Variants in BBX observed in about 807,000 individuals in gnomAD.
The protein encoded by BBX is BBX high mobility group box domain containing, also known as HMG box transcription factor BBX.
A neutral mutation model predicts 100.2 loss-of-function variants in BBX; 30 were observed. That is an observed-to-expected ratio of 0.30 (90% confidence interval 0.22 to 0.41). BBX has a LOEUF of 0.41. BBX is among the 10% of genes least tolerant of loss of function. The pLI is 1.00. For missense variants in BBX, 1,023 were observed against 1,129.8 expected (o/e 0.91, Z 1.35); for synonymous variants, 376 against 388.1 (o/e 0.97, Z 0.37).
At chr3:107,774,697 C>G in intron 11 of BBX, 22 bp from the exon 12 acceptor site, 1 of 1,611,218 alleles carries the variant, frequency 6.2e-7, no homozygotes, top group African/African-American at 1.3e-5. Context: ...CCAAACACAT[C>G]CTTTCTCTTG....
At chr3:107,698,057 G>C (rs890392279) in intron 3 of BBX, among the ~76,000 whole-genome samples, 2 of 151,714 alleles carry the variant, frequency 1.3e-5, no homozygotes, top group Non-Finnish European at 1.5e-5. Flanking sequence ...GCTTTGGCTC[G>C]TGCACGGTGC....
intron 17 of BBX, among the ~76,000 whole-genome samples, chr3:107,803,447 T>C (rs976731087): frequency 2.0e-5 from 3 of 152,072 alleles, no homozygotes; most frequent in Non-Finnish European, 2.9e-5. Flanking sequence ...ATCAACTCGG[T>C]TCATAGTTTA....
intron 2 of BBX, among the ~76,000 whole-genome samples, chr3:107,601,421 A>G (rs1447407114): frequency 6.6e-6 from 1 of 152,246 alleles, no homozygotes; most frequent in Non-Finnish European, 1.5e-5. Context: ...CCAAGTTGTG[A>G]ATGCAAAGGA....
In BBX at chr3:107,669,526, C is replaced by T. The variant is rs576409423; in HGVS notation, c.-10+23617C>T. ...AAGGAATTAAATTCTAGGAGTAGAC[C>T]GTAAAGGGCCACTAAAGGGTTTGAT... On this transcript the variant is annotated intron_variant, in intron 3 of 17. Transcript: ENST00000325805. 1.2e-4 allele frequency among the ~76,000 whole-genome samples: 18 copies of T among 151,900 alleles called. No individual in the cohort carries two copies. In the South Asian group the frequency reaches 2.1e-3, roughly 18 times the overall value.
chr3:107,695,306 CT>C (rs1443797013), intron 3 of BBX, among the ~76,000 whole-genome samples: 1 of 114,000 alleles, frequency 8.8e-6, no homozygotes, highest in African/African-American at 3.9e-5. Context: ...AATTTTGGAT[CT>C]TTCCTGCTTT....
intron 3 of BBX, among the ~76,000 whole-genome samples, chr3:107,679,971 A>C (rs1365046018): frequency 4.6e-5 from 7 of 152,190 alleles, no homozygotes; most frequent in African/African-American, 1.7e-4. Flanking sequence ...GTCTATCAGC[A>C]ATGAACAGCT....
chr3:107,686,998 G>T (rs2059886401), intron 3 of BBX, among the ~76,000 whole-genome samples: 1 of 152,100 alleles, frequency 6.6e-6, no homozygotes, highest in African/African-American at 2.4e-5. Context: ...TTGCTTTGAG[G>T]ACATTAGAAA....
At chr3:107,693,596 C>G (rs1254982539) in intron 3 of BBX, among the ~76,000 whole-genome samples, 7 of 151,776 alleles carry the variant, frequency 4.6e-5, no homozygotes, top group Non-Finnish European at 5.9e-5. Context: ...GTTTTGGTTA[C>G]TGTAGCCTTG....
intron 15 of BBX, among the ~76,000 whole-genome samples, chr3:107,796,307 C>T (rs1044037372): frequency 2.0e-5 from 3 of 152,168 alleles, no homozygotes; most frequent in Non-Finnish European, 2.9e-5. Context: ...GTTCTTCTTT[C>T]CGCAGTCAGT....
At chr3:107,666,852 G>A (rs1228348904) in intron 3 of BBX, among the ~76,000 whole-genome samples, 1 of 152,160 alleles carries the variant, frequency 6.6e-6, no homozygotes, top group Non-Finnish European at 1.5e-5. Flanking sequence ...TTACAGGGGC[G>A]AGCCACTGCA....
chr3:107,798,866 C>T (rs867815057), intron 16 of BBX, 146 bp downstream of exon 16: 25 of 902,944 alleles, frequency 2.8e-5, no homozygotes, highest in Non-Finnish European at 4.1e-5. Flanking sequence ...ACAAAAAAAA[C>T]CAGGCCAGGC....
At chr3:107,790,460 G>T (rs1393090618) in intron 14 of BBX, among the ~76,000 whole-genome samples, 2 of 152,092 alleles carry the variant, frequency 1.3e-5, no homozygotes, top group African/African-American at 4.8e-5. Context: ...GAGACTGATT[G>T]TACTCTGTCC....
At chr3:107,737,653 C>G (rs2063726611) in intron 7 of BBX, among the ~76,000 whole-genome samples, 1 of 152,064 alleles carries the variant, frequency 6.6e-6, no homozygotes, top group African/African-American at 2.4e-5. Flanking sequence ...GGGAACAAAC[C>G]AGACAGCCTG....
chr3:107,804,790 G>C (rs2070914691), intron 17 of BBX, among the ~76,000 whole-genome samples: 1 of 151,352 alleles, frequency 6.6e-6, no homozygotes, highest in Non-Finnish European at 1.5e-5. Flanking sequence ...TGAGTTCAGA[G>C]GGTTTTATTG....
At chr3:107,584,095 TTA>T (rs1357835476) in intron 2 of BBX, among the ~76,000 whole-genome samples, 1 of 8,514 alleles carries the variant, frequency 1.2e-4, no homozygotes, top group African/African-American at 5.2e-4. Flanking sequence ...ATATCATATA[TTA>T]TATATATTAT....
chr3:107,695,805 C>G (rs1254237970), intron 3 of BBX, among the ~76,000 whole-genome samples: 2 of 151,462 alleles, frequency 1.3e-5, no homozygotes, highest in Non-Finnish European at 2.9e-5. Flanking sequence ...GTGTTAAAGT[C>G]TCCCATTATT....
rs768585517 is a variant in BBX, at chr3:107,791,253, A to G, written c.2307A>G (p.Lys769=). The G allele has an allele frequency of 1.2e-6, 2 of 1,613,046 alleles. No individual in the cohort carries two copies. Among genetic ancestry groups the G allele is most frequent in the Non-Finnish European group, 1.7e-6 (2 of 1,179,342 alleles). The change falls in exon 15 of 18, where the codon AAA becomes AAG. Residue 769 remains lysine (K), a synonymous_variant. Coordinates refer to ENST00000325805, the MANE Select transcript of BBX (RefSeq NM_001142568.3). ...CATTGTTTTTAGGAAGTGGGGATAA[A>G]TGGTCAAACAAGCAACTCTTCTTGG... is the stretch of plus-strand genomic sequence containing the variant. ...PNVPEKGSGD[K]WSNKQLFLDA... is the part of the protein sequence containing the mutation.
chr3:107,568,535 A>G (rs2051106230), intron 2 of BBX, among the ~76,000 whole-genome samples: 2 of 152,170 alleles, frequency 1.3e-5, no homozygotes, highest in African/African-American at 4.8e-5. Flanking sequence ...CTGGGATTAC[A>G]GGCATGAGCC....
rs2070020478 is a variant in BBX at position 107,798,612 on chromosome 3, A to G, written c.2443A>G (p.Thr815Ala). 1.2e-6 allele frequency: 2 copies of G among 1,614,110 alleles called. No homozygotes were observed. Among genetic ancestry groups the G allele is most frequent in the Non-Finnish European group, 1.7e-6 (2 of 1,179,988 alleles). Reference protein sequence around the residue: ...SIFNTPEPTTTQEPLVGSQKR... With the variant: ...SIFNTPEPTTAQEPLVGSQKR... ...TTTCAACACTCCAGAGCCAACAACA[A>G]CGCAAGAACCTTTGGTGGGCAGCCA... The change falls in exon 16 of 18, where the codon ACG becomes GCG. Residue 815 changes from threonine to alanine, a missense_variant. By Grantham distance (58) the Thr-to-Ala change is moderately conservative. This residue lies in a region of BBX where 215 missense variants were observed against 211.3 expected (regional missense o/e 1.02). Transcript: ENST00000325805.
Sources: allele counts gnomAD v4.1 joint callset (sites outside exome capture counted in the v4.1 genomes callset), GRCh38; gene constraint gnomAD v4.1.1; regional missense constraint gnomAD v4.1.1; transcripts MANE v1.5; gene names NCBI Gene and HGNC (gene_info 2026-07-23, HGNC 2026-07-21).